SDK1: variants seen among roughly 807,000 people sequenced by gnomAD.
The protein encoded by SDK1 is sidekick cell adhesion molecule 1.
A neutral mutation model predicts 245.5 loss-of-function variants in SDK1; 157 were observed. That is an observed-to-expected ratio of 0.64 (90% CI 0.56 to 0.73). The LOEUF is 0.73. SDK1 is among the 30% of genes least tolerant of loss of function. The pLI, the probability that SDK1 is intolerant of heterozygous loss-of-function variation, is 0.00. For synonymous variants in SDK1, 1,647 were observed against 1,278.5 expected, an observed-to-expected ratio of 1.29 and a Z score of -6.15; for missense variants, 3,583 against 3,002.3, an observed-to-expected ratio of 1.19 and a Z score of -4.52.
chr7:4,213,654 G>A (rs1037048070), intron 38 of SDK1, among the ~76,000 whole-genome samples: 3 of 151,562 alleles, frequency 2.0e-5, no homozygotes, highest in African/African-American at 7.3e-5. Flanking sequence ...CAGAAGTGCC[G>A]CACAGGGGCC....
rs182467748 is a variant in SDK1 at position 3,754,660 on chromosome 7, C to T, written c.714-66790C>T. On this transcript the variant is annotated intron_variant, in intron 4 of 44. Transcript: ENST00000404826. ...ATTGCTGACTGGAGAAACAGCATGACGTGGTTTCTAAGTAAGGGGAAGGGG... is the reference window on the plus strand; with the variant it reads ...ATTGCTGACTGGAGAAACAGCATGATGTGGTTTCTAAGTAAGGGGAAGGGG... Among the ~76,000 whole-genome samples the T allele has an allele frequency of 3.0e-4, 41 of 137,052 alleles. 2 individuals carry two copies. Among genetic ancestry groups the T allele is most frequent in the East Asian group, 6.4e-4 (3 of 4,686 alleles). 89.9% of individuals were successfully genotyped at this position (137,052 alleles called of 152,430 possible). A position where few individuals can be genotyped will look rare whatever the true frequency, so the allele number is the denominator to read the frequency against.
intron 4 of SDK1, among the ~76,000 whole-genome samples, chr7:3,764,808 A>G (rs1434824568): frequency 2.0e-5 from 3 of 152,342 alleles, no homozygotes; most frequent in Admixed American, 2.0e-4. Context: ...GTATTTTAAT[A>G]TGTAAATTGA....
At chr7:3,782,582 G>A (rs561331017) in intron 4 of SDK1, among the ~76,000 whole-genome samples, 4 of 152,158 alleles carry the variant, frequency 2.6e-5, no homozygotes, top group East Asian at 3.9e-4. Context: ...GAAACACTTC[G>A]TATACAAAGG....
At chr7:3,331,744 A>G (rs766354738) in intron 1 of SDK1, among the ~76,000 whole-genome samples, 8 of 152,088 alleles carry the variant, frequency 5.3e-5, no homozygotes, top group South Asian at 2.1e-4. Context: ...GACACAGTCA[A>G]CATTTTTTTT....
intron 32 of SDK1, among the ~76,000 whole-genome samples, chr7:4,170,429 A>C (rs1171944778): frequency 6.6e-6 from 1 of 152,100 alleles, no homozygotes; most frequent in Non-Finnish European, 1.5e-5. Context: ...CCTGGGTGAC[A>C]GGGTGAGATC....
chr7:3,987,671 G>A (rs926144066), intron 14 of SDK1, among the ~76,000 whole-genome samples: 15 of 152,142 alleles, frequency 9.9e-5, no homozygotes, highest in South Asian at 6.2e-4. Context: ...GTTCACCGTC[G>A]CCGCCACTGC....
chr7:4,017,884 C>G (rs750494424), intron 17 of SDK1, among the ~76,000 whole-genome samples: 4 of 152,180 alleles, frequency 2.6e-5, no homozygotes, highest in Non-Finnish European at 4.4e-5. Context: ...AAAAATTGAC[C>G]AGACATAAAC....
chr7:3,575,943 T>TC (rs1454913575), intron 1 of SDK1, among the ~76,000 whole-genome samples: 1 of 151,984 alleles, frequency 6.6e-6, no homozygotes, highest in Non-Finnish European at 1.5e-5. Flanking sequence ...GTTCTGTTCT[T>TC]CCCCATGTGA....
At chr7:3,906,006 A>G (rs1220935574) in intron 5 of SDK1, among the ~76,000 whole-genome samples, 1 of 152,056 alleles carries the variant, frequency 6.6e-6, no homozygotes, top group Non-Finnish European at 1.5e-5. Context: ...ACTCCGATTT[A>G]AGCATATTTG....
At chr7:4,156,312 C>T (rs1177898101) in intron 30 of SDK1, among the ~76,000 whole-genome samples, 2 of 152,086 alleles carry the variant, frequency 1.3e-5, no homozygotes, top group Non-Finnish European at 2.9e-5. Flanking sequence ...TCCTAGGATG[C>T]CAGGAACAGA....
intron 1 of SDK1, among the ~76,000 whole-genome samples, chr7:3,458,890 A>C (rs1187760017): frequency 6.6e-6 from 1 of 152,136 alleles, no homozygotes; most frequent in African/African-American, 2.4e-5. Flanking sequence ...AATAGTCTTT[A>C]TGTTTGGTAA....
At chr7:3,527,950 A>G (rs1783203579) in intron 1 of SDK1, among the ~76,000 whole-genome samples, 1 of 137,266 alleles carries the variant, frequency 7.3e-6, no homozygotes, top group Non-Finnish European at 1.6e-5. Context: ...GTAAAGTTGG[A>G]TGATAGCTAG....
chr7:3,840,836 C>T (rs1780138970), intron 5 of SDK1, among the ~76,000 whole-genome samples: 1 of 152,222 alleles, frequency 6.6e-6, no homozygotes, highest in African/African-American at 2.4e-5. Flanking sequence ...CATGCCAGAC[C>T]TAGGGATCGG....
intron 1 of SDK1, among the ~76,000 whole-genome samples, chr7:3,351,576 G>T (rs933336035): frequency 6.6e-6 from 1 of 152,010 alleles, no homozygotes; most frequent in Admixed American, 6.5e-5. Context: ...AGATACAGAA[G>T]GCAAAATAAT....
chr7:4,267,533 G>A lies in SDK1; in HGVS notation c.*2149G>A, dbSNP rs1263307671. On this transcript the variant is annotated 3_prime_UTR_variant, in exon 45 of 45. Transcript: ENST00000404826. ...GGCGAAGTGGGCGGGAAGCCAGGAT[G>A]TGAGCACTGGAATTTCTTGGAAGAG... 1.5e-5 allele frequency: 15 copies of A among 985,388 alleles called. No individual in the cohort carries two copies. Among genetic ancestry groups the A allele is most frequent in the Non-Finnish European group, 1.7e-5 (14 of 829,976 alleles). 61.0% of individuals were successfully genotyped at this position (985,388 alleles called of 1,614,324 possible). A position where few individuals can be genotyped will look rare whatever the true frequency, so the allele number is the denominator to read the frequency against.
chr7:3,497,890 T>C (rs1782074576), intron 1 of SDK1, among the ~76,000 whole-genome samples: 1 of 152,226 alleles, frequency 6.6e-6, no homozygotes. Context: ...TTTTCTCAGC[T>C]ATGTGGGCTA....
intron 32 of SDK1, among the ~76,000 whole-genome samples, chr7:4,170,206 G>C (rs976034839): frequency 6.6e-6 from 1 of 152,198 alleles, no homozygotes; most frequent in African/African-American, 2.4e-5. Flanking sequence ...GCTAGAGTTT[G>C]AAAGAGCAGA....
At chr7:3,305,197 G>A (rs1165205261) in intron 1 of SDK1, among the ~76,000 whole-genome samples, 1 of 152,186 alleles carries the variant, frequency 6.6e-6, no homozygotes, top group East Asian at 1.9e-4. Context: ...GCTTTGTGCT[G>A]CCTGAGGTGT....
chr7:3,951,925 T>C lies in SDK1; in HGVS notation c.1150+5T>C. 1 of 1,610,308 alleles carries C rather than the reference T, an allele frequency of 6.2e-7. No individual in the cohort carries two copies. Among genetic ancestry groups the C allele is most frequent in the Admixed American group, 1.7e-5 (1 of 59,246 alleles). ...CGGCCTTTCTTTTCATCATAGGTAATGCGGGAGCCTCTAAGTGGTGTTGCC... is the reference window on the plus strand; with the variant it reads ...CGGCCTTTCTTTTCATCATAGGTAACGCGGGAGCCTCTAAGTGGTGTTGCC... On this transcript the variant is annotated splice_donor_5th_base_variant and intron_variant, in intron 7 of 44. Coordinates refer to ENST00000404826, the MANE Select transcript of SDK1 (RefSeq NM_152744.4).
Sources: allele counts gnomAD v4.1 joint callset (sites outside exome capture counted in the v4.1 genomes callset), GRCh38; gene constraint gnomAD v4.1.1; transcripts MANE v1.5; gene names NCBI Gene and HGNC (gene_info 2026-07-23, HGNC 2026-07-21).